UBR1: variants seen among roughly 807,000 people sequenced by gnomAD.
The protein encoded by UBR1 is E3 ubiquitin-protein ligase UBR1.
Under a neutral mutation model 242.1 loss-of-function variants are expected in UBR1, and 102 were observed. The ratio of observed to expected loss-of-function variants is 0.42; its 90% confidence interval spans 0.36 to 0.50. The LOEUF (loss-of-function observed/expected upper bound fraction) is 0.50. Among genes scored for constraint, UBR1 ranks in the 20% least tolerant of loss-of-function variants. The pLI, the probability that UBR1 is intolerant of heterozygous loss-of-function variation, is 0.01. For missense variants in UBR1, 1,772 were observed against 2,101.8 expected, an observed-to-expected ratio of 0.84 and a Z score of 3.07; for synonymous variants, 675 against 684.8, an observed-to-expected ratio of 0.99 and a Z score of 0.22.
chr15:43,053,436 G>C (rs2033580012), intron 12 of UBR1, among the ~76,000 whole-genome samples: 1 of 152,064 alleles, frequency 6.6e-6, no homozygotes, highest in African/African-American at 2.4e-5. Flanking sequence ...ATAACTTTAA[G>C]TACTGCCATT....
chr15:43,050,429 G>A (rs182616927), intron 12 of UBR1, among the ~76,000 whole-genome samples: 1 of 152,144 alleles, frequency 6.6e-6, no homozygotes, highest in East Asian at 1.9e-4. Flanking sequence ...AATAAGTGAG[G>A]CCGGGTGCAG....
At chr15:43,102,801 C>A (rs2034253827) in intron 1 of UBR1, among the ~76,000 whole-genome samples, 2 of 152,224 alleles carry the variant, frequency 1.3e-5, no homozygotes, top group Admixed American at 6.5e-5. Flanking sequence ...CCTGTTCTCT[C>A]TTTCTCATCA....
chr15:42,998,104 T>C (rs952811426), intron 33 of UBR1, 64 bp downstream of exon 33: 5 of 1,381,012 alleles, frequency 3.6e-6, no homozygotes, highest in African/African-American at 1.5e-5. Context: ...CCAATAATTA[T>C]TTAAAAAAAT....
intron 1 of UBR1, among the ~76,000 whole-genome samples, chr15:43,090,287 T>C (rs2034091708): frequency 6.6e-6 from 1 of 152,180 alleles, no homozygotes; most frequent in East Asian, 1.9e-4. Flanking sequence ...AGAAAAATCA[T>C]GACGACTATT....
intron 42 of UBR1, among the ~76,000 whole-genome samples, chr15:42,962,952 G>T (rs1490943311): frequency 1.3e-5 from 2 of 152,150 alleles, no homozygotes; most frequent in Non-Finnish European, 2.9e-5. Flanking sequence ...TTTCAGACAA[G>T]GAGGGTCTGG....
chr15:43,100,748 T>C (rs2034222369), intron 1 of UBR1, among the ~76,000 whole-genome samples: 1 of 152,042 alleles, frequency 6.6e-6, no homozygotes, highest in Non-Finnish European at 1.5e-5. Flanking sequence ...GGCAGGAGAA[T>C]CGCTTGAATC....
At chr15:43,074,895 G>C in intron 4 of UBR1, 84 bp downstream of exon 4, 1 of 1,150,990 alleles carries the variant, frequency 8.7e-7, no homozygotes, top group Non-Finnish European at 1.3e-6. Flanking sequence ...GTTCTAACTG[G>C]AATCTATACA....
chr15:43,073,899 A>G (rs1244984612), intron 4 of UBR1, among the ~76,000 whole-genome samples: 1 of 152,222 alleles, frequency 6.6e-6, no homozygotes, highest in South Asian at 2.1e-4. Context: ...AAAGATCAAC[A>G]TATGTGCCCT....
intron 1 of UBR1, among the ~76,000 whole-genome samples, chr15:43,105,714 C>T (rs898915544): frequency 2.0e-5 from 3 of 152,192 alleles, no homozygotes; most frequent in Non-Finnish European, 4.4e-5. Flanking sequence ...GAGACATGCA[C>T]ACTTGAGATC....
intron 5 of UBR1, among the ~76,000 whole-genome samples, chr15:43,068,257 C>T (rs1308844619): frequency 6.9e-6 from 1 of 144,022 alleles, no homozygotes; most frequent in Non-Finnish European, 1.5e-5. Flanking sequence ...GACGCAACCT[C>T]GACTCACTGC....
chr15:43,094,064 G>A (rs186138346), intron 1 of UBR1, among the ~76,000 whole-genome samples: 1 of 152,154 alleles, frequency 6.6e-6, no homozygotes, highest in Non-Finnish European at 1.5e-5. Context: ...TTATGAAACT[G>A]CACAGCATGC....
At chr15:43,030,604 T>C (rs912790831) in intron 20 of UBR1, among the ~76,000 whole-genome samples, 4 of 152,256 alleles carry the variant, frequency 2.6e-5, no homozygotes, top group Non-Finnish European at 5.9e-5. Context: ...TGACTGGTGC[T>C]GTGAAAATGC....
rs556830707 is a variant in UBR1 at position 43,025,711 on chromosome 15, A to G, written c.2536-282T>C. On this transcript the variant is annotated intron_variant, in intron 23 of 46. Transcript: ENST00000290650. Reference sequence around the variant, plus strand: ...ACAGGGTACTATGCTATGGGCTGTAAAGTATTTACTTGATAAGGACAAAGC... The same window carrying G: ...ACAGGGTACTATGCTATGGGCTGTAGAGTATTTACTTGATAAGGACAAAGC... 5 of 344,566 alleles carry G rather than the reference A, an allele frequency of 1.5e-5. No individual in the cohort carries two copies. The South Asian group carries it at 2.0e-4, about 14-fold the overall frequency. The allele number at this position is 344,566 out of a possible 1,614,324, so 21.3% of individuals were successfully genotyped here. A position where few individuals can be genotyped will look rare whatever the true frequency, so the allele number is the denominator to read the frequency against.
In UBR1 at chr15:43,036,424, T is replaced by C. The variant is rs556977744; in HGVS notation, c.2088+104A>G. On this transcript the variant is annotated intron_variant, in intron 18 of 46. Coordinates refer to ENST00000290650, the MANE Select transcript of UBR1 (RefSeq NM_174916.3). ...CTATGAGTCATAATCAGTTTAACAG[T>C]GAGAGTATTTTAAGTTAAAAATTAT... 3.6e-4 allele frequency: 433 copies of C among 1,187,624 alleles called. 1 individual carries two copies. Among genetic ancestry groups the C allele is most frequent in the Non-Finnish European group, 4.2e-4 (333 of 797,388 alleles). 73.6% of individuals were successfully genotyped at this position (1,187,624 alleles called of 1,614,324 possible).
At chr15:42,968,427 G>A (rs963822418) in intron 40 of UBR1, among the ~76,000 whole-genome samples, 1 of 145,676 alleles carries the variant, frequency 6.9e-6, no homozygotes, top group Non-Finnish European at 1.5e-5. Context: ...GTCTTGTAAT[G>A]TTGCCCAGGG....
At chr15:43,023,853 A>C (rs1384995333) in intron 25 of UBR1, among the ~76,000 whole-genome samples, 2 of 152,152 alleles carry the variant, frequency 1.3e-5, no homozygotes, top group Admixed American at 1.3e-4. Flanking sequence ...AACTATTAGG[A>C]ATTAGTATGA....
At chr15:42,960,775 T>A in intron 42 of UBR1, 74 bp from the exon 43 acceptor site, 14 of 1,489,918 alleles carry the variant, frequency 9.4e-6, no homozygotes, top group South Asian at 8.4e-5. Context: ...CAAGCCATTC[T>A]CTTTTTTTTT....
chr15:42,945,103 T>C lies in UBR1; in HGVS notation c.*226A>G. ...ATGAAGGGGAATAAATTCCTGGAAA[T>C]ACTAGCACATAAAACAGATTGATCT... On this transcript the variant is annotated 3_prime_UTR_variant, in exon 47 of 47. Transcript: ENST00000290650. 2 of 558,464 alleles carry C rather than the reference T, an allele frequency of 3.6e-6. No individual in the cohort carries two copies. The highest frequency in any genetic ancestry group is 6.3e-6 in the Non-Finnish European group (2 of 317,548). 34.6% of individuals were successfully genotyped at this position (558,464 alleles called of 1,614,324 possible).
intron 29 of UBR1, among the ~76,000 whole-genome samples, chr15:43,015,073 C>T (rs1325613569): frequency 1.3e-5 from 2 of 151,964 alleles, no homozygotes; most frequent in Non-Finnish European, 2.9e-5. Flanking sequence ...TGGGGGGCAC[C>T]TCGGCCCGGC....
Sources: allele counts gnomAD v4.1 joint callset (sites outside exome capture counted in the v4.1 genomes callset), GRCh38; gene constraint gnomAD v4.1.1; transcripts MANE v1.5; gene names NCBI Gene and HGNC (gene_info 2026-07-23, HGNC 2026-07-21).